Variants in DAPK1 observed in about 807,000 individuals in gnomAD.
DAPK1 encodes death associated protein kinase 1.
A neutral mutation model predicts 144.9 loss-of-function variants in DAPK1; 56 were observed. The observed-to-expected ratio is 0.39, with a 90% CI of 0.31 to 0.48. The LOEUF (loss-of-function observed/expected upper bound fraction) is 0.48. DAPK1 is among the 20% of genes least tolerant of loss of function. The pLI is 0.95. For missense variants in DAPK1, 1,454 were observed against 1,875.4 expected (o/e 0.78, Z 4.15); for synonymous variants, 690 against 749.0 (o/e 0.92, Z 1.29).
intron 3 of DAPK1, among the ~76,000 whole-genome samples, chr9:87,633,782 A>G (rs36210664): frequency 0.03 from 4,542 of 152,304 alleles, 233 homozygotes; most frequent in African/African-American, 0.1. Flanking sequence ...AAGATGGTGC[A>G]TGTTCTAGCC....
chr9:87,653,703 T>C (rs201024435), intron 17 of DAPK1, among the ~76,000 whole-genome samples: 2 of 50,422 alleles, frequency 4.0e-5, no homozygotes, highest in East Asian at 1.2e-3. Flanking sequence ...ATTATTATTA[T>C]TTTTTTTGAG....
intron 3 of DAPK1, chr9:87,632,651 A>G (rs1829740623): frequency 1.0e-6 from 1 of 983,448 alleles, no homozygotes; most frequent in African/African-American, 1.8e-5. Context: ...AAGGAGGATG[A>G]GTACCTGTGT....
chr9:87,552,334 A>ATATCTGCAGCTGGAAGGG (rs1826525253), intron 2 of DAPK1, among the ~76,000 whole-genome samples: 7 of 152,152 alleles, frequency 4.6e-5, no homozygotes, highest in South Asian at 2.1e-4. Flanking sequence ...AGGACAAGGG[A>ATATCTGCAGCTGGAAGGG]GGGATATCTG....
intron 2 of DAPK1, among the ~76,000 whole-genome samples, chr9:87,573,512 G>A (rs1387197582): frequency 1.3e-5 from 2 of 152,244 alleles, no homozygotes; most frequent in African/African-American, 2.4e-5. Context: ...GTGGGGATAT[G>A]TAGCTCTGAA....
chr9:87,692,257 C>G (rs1554705814), intron 21 of DAPK1, among the ~76,000 whole-genome samples: 1 of 143,572 alleles, frequency 7.0e-6, no homozygotes, highest in South Asian at 2.2e-4. Flanking sequence ...TTTTTTTTGA[C>G]TTAAAGTCTG....
intron 2 of DAPK1, among the ~76,000 whole-genome samples, chr9:87,520,578 G>A (rs1247581681): frequency 6.6e-6 from 1 of 152,304 alleles, no homozygotes. Context: ...CCGCCACTTT[G>A]GGGGGATGAA....
chr9:87,652,134 C>T (rs994729417), intron 17 of DAPK1, among the ~76,000 whole-genome samples: 1 of 147,474 alleles, frequency 6.8e-6, no homozygotes, highest in African/African-American at 2.5e-5. Flanking sequence ...TGTGTCCATT[C>T]CCCCGATCCT....
At chr9:87,549,184 T>C (rs1349206567) in intron 2 of DAPK1, among the ~76,000 whole-genome samples, 1 of 152,160 alleles carries the variant, frequency 6.6e-6, no homozygotes, top group African/African-American at 2.4e-5. Context: ...AGTGAGAACA[T>C]GCAGTGTTTG....
intron 2 of DAPK1, among the ~76,000 whole-genome samples, chr9:87,546,729 T>G (rs1826265070): frequency 6.6e-6 from 1 of 152,228 alleles, no homozygotes; most frequent in African/African-American, 2.4e-5. Flanking sequence ...CTTTTCTCTC[T>G]TGTATTCCGT....
chr9:87,676,115 A>C (rs145127999), intron 19 of DAPK1, among the ~76,000 whole-genome samples: 222 of 152,200 alleles, frequency 1.5e-3, no homozygotes, highest in South Asian at 1.0e-3. Context: ...TGTCGGTGGC[A>C]CCATAGTCCC....
Position 87,661,121 on chromosome 9 carries a change from A to G in DAPK1, c.1923+2994A>G, listed in dbSNP as rs538276611. 3.9e-5 allele frequency among the ~76,000 whole-genome samples: 6 copies of G among 152,352 alleles called. No homozygotes were observed. The South Asian group carries it at 8.3e-4, about 21-fold the overall frequency. On this transcript the variant is annotated intron_variant, in intron 18 of 25. Transcript: ENST00000408954. ...CCAAAGTGCTGGGATTACAGGCGTG[A>G]GCCACCACGCCCAGGCTGATTTCCT...
intron 2 of DAPK1, among the ~76,000 whole-genome samples, chr9:87,564,379 T>C (rs1827038924): frequency 6.6e-6 from 1 of 152,224 alleles, no homozygotes; most frequent in African/African-American, 2.4e-5. Flanking sequence ...AGGCCCATTT[T>C]TGTTAACTGG....
At chr9:87,534,258 G>GTTTTTTTTGTT in intron 2 of DAPK1, among the ~76,000 whole-genome samples, 1 of 145,612 alleles carries the variant, frequency 6.9e-6, no homozygotes, top group East Asian at 2.0e-4. Context: ...TTTTTTTTTT[G>GTTTTTTTTGTT]TTTTTTTTTT....
At position 87,570,599 on chromosome 9, in the gene DAPK1, A is replaced by G. The variant is rs184397199; in HGVS notation, c.63-34355A>G. Among the ~76,000 whole-genome samples the G allele has an allele frequency of 8.1e-4, 123 of 152,324 alleles. 1 individual carries two copies. In the East Asian group the frequency reaches 0.018, roughly 22 times the overall value. ...GTTTTCCTCTGCAGAACTGTAGTCTATGTGACACCTACAAACAAGGGACTG... is the reference window on the plus strand; with the variant it reads ...GTTTTCCTCTGCAGAACTGTAGTCTGTGTGACACCTACAAACAAGGGACTG... On this transcript the variant is annotated intron_variant, in intron 2 of 25. Coordinates refer to ENST00000408954, the MANE Select transcript of DAPK1 (RefSeq NM_004938.4).
chr9:87,528,727 C>T (rs962784342), intron 2 of DAPK1, among the ~76,000 whole-genome samples: 1 of 150,336 alleles, frequency 6.7e-6, no homozygotes, highest in Non-Finnish European at 1.5e-5. Flanking sequence ...AAAAAACTAG[C>T]CGGGTGTGGC....
At chr9:87,545,396 AGACC>A (rs1281066762) in intron 2 of DAPK1, among the ~76,000 whole-genome samples, 1 of 152,238 alleles carries the variant, frequency 6.6e-6, no homozygotes, top group East Asian at 1.9e-4. Flanking sequence ...GAGGATCAGT[AGACC>A]ACAAGCAAGA....
At chr9:87,574,488 CT>C (rs1274928394) in intron 2 of DAPK1, among the ~76,000 whole-genome samples, 1 of 152,192 alleles carries the variant, frequency 6.6e-6, no homozygotes, top group African/African-American at 2.4e-5. Context: ...TGCTGGATCT[CT>C]TAATCGTTCC....
At chr9:87,693,027 C>G (rs1825129879) in intron 21 of DAPK1, among the ~76,000 whole-genome samples, 1 of 107,188 alleles carries the variant, frequency 9.3e-6, no homozygotes. Flanking sequence ...TGACTTTTGA[C>G]AATTGGACTA....
intron 2 of DAPK1, among the ~76,000 whole-genome samples, chr9:87,574,628 G>A (rs929563463): frequency 6.6e-6 from 1 of 152,188 alleles, no homozygotes; most frequent in Non-Finnish European, 1.5e-5. Flanking sequence ...TAAATTTGAA[G>A]GTAGAAGGTG....
Sources: gnomAD v4.1 joint callset for allele counts (sites outside exome capture counted in the v4.1 genomes callset) on GRCh38, gnomAD v4.1.1 for gene constraint, MANE v1.5 for transcripts, NCBI Gene and HGNC (gene_info 2026-07-23, HGNC 2026-07-21) for gene names.